EXT1: variants seen among roughly 807,000 people sequenced by gnomAD.
The protein encoded by EXT1 is exostosin glycosyltransferase 1, also known as exostosin-1.
A neutral mutation model predicts 82.5 loss-of-function variants in EXT1; 20 were observed. The ratio of observed to expected loss-of-function variants is 0.24; its 90% CI spans 0.17 to 0.35. EXT1 has a LOEUF of 0.35. Ranked by LOEUF, EXT1 falls within the 10% of genes least tolerant of loss-of-function variation. The pLI is 1.00. For missense variants in EXT1, 757 were observed against 936.5 expected (o/e 0.81, Z 2.50); for synonymous variants, 348 against 350.8 (o/e 0.99, Z 0.09).
At chr8:117,930,103 C>CA (rs576886235) in intron 1 of EXT1, among the ~76,000 whole-genome samples, 3,675 of 137,942 alleles carry the variant, frequency 0.027, 130 homozygotes, top group African/African-American at 0.083. Context: ...GACTCCATCT[C>CA]AAAAAAAAAA....
intron 1 of EXT1, among the ~76,000 whole-genome samples, chr8:118,009,996 G>C (rs957096343): frequency 6.6e-6 from 1 of 152,140 alleles, no homozygotes; most frequent in African/African-American, 2.4e-5. Flanking sequence ...GTAGGCTAAA[G>C]AGCTAATAAA....
intron 1 of EXT1, among the ~76,000 whole-genome samples, chr8:117,956,523 A>AC (rs1814590403): frequency 6.6e-6 from 1 of 151,804 alleles, no homozygotes; most frequent in Non-Finnish European, 1.5e-5. Flanking sequence ...ACTCATTGGA[A>AC]CCTCCACCTC....
intron 7 of EXT1, among the ~76,000 whole-genome samples, chr8:117,814,234 G>GTGTGTGT (rs1811751084): frequency 1.4e-5 from 2 of 146,820 alleles, no homozygotes; most frequent in Non-Finnish European, 1.5e-5. Flanking sequence ...CACACACAGT[G>GTGTGTGT]GTGTGTGTGT....
intron 1 of EXT1, among the ~76,000 whole-genome samples, chr8:117,959,266 G>A (rs1429249434): frequency 2.6e-5 from 4 of 152,054 alleles, no homozygotes; most frequent in South Asian, 2.1e-4. Flanking sequence ...ACCCAAGGCC[G>A]GCCCTGATCA....
chr8:117,854,506 T>C (rs1014198217), intron 1 of EXT1, among the ~76,000 whole-genome samples: 3 of 152,090 alleles, frequency 2.0e-5, no homozygotes, highest in Non-Finnish European at 4.4e-5. Flanking sequence ...ACCAAATACA[T>C]TTTTCATCTT....
chr8:118,073,395 C>A (rs762098498), intron 1 of EXT1, among the ~76,000 whole-genome samples: 15 of 152,142 alleles, frequency 9.9e-5, no homozygotes, highest in African/African-American at 3.4e-4. Flanking sequence ...CCAAGGTGGG[C>A]GGATCACTTG....
At chr8:117,868,227 A>G (rs1019297763) in intron 1 of EXT1, among the ~76,000 whole-genome samples, 1 of 152,184 alleles carries the variant, frequency 6.6e-6, no homozygotes, top group African/African-American at 2.4e-5. Flanking sequence ...TTCCCACCTT[A>G]GATAATTGCT....
chr8:117,859,212 G>A (rs1245869045), intron 1 of EXT1, among the ~76,000 whole-genome samples: 2 of 152,100 alleles, frequency 1.3e-5, no homozygotes, highest in Non-Finnish European at 2.9e-5. Context: ...TTCGTGGTCT[G>A]GAACCAAACA....
At chr8:117,870,924 T>A (rs1037315337) in intron 1 of EXT1, among the ~76,000 whole-genome samples, 1 of 151,900 alleles carries the variant, frequency 6.6e-6, no homozygotes, top group Non-Finnish European at 1.5e-5. Flanking sequence ...TAAACAGCAT[T>A]CAGGGGAATA....
intron 4 of EXT1, among the ~76,000 whole-genome samples, chr8:117,826,846 GA>G (rs1371493113): frequency 1.3e-5 from 2 of 152,070 alleles, no homozygotes; most frequent in Non-Finnish European, 2.9e-5. Flanking sequence ...AATACAAAGG[GA>G]AAAGGCCTTT....
chr8:118,015,524 G>A (rs569094455), intron 1 of EXT1, among the ~76,000 whole-genome samples: 2 of 152,218 alleles, frequency 1.3e-5, no homozygotes, highest in South Asian at 4.2e-4. Flanking sequence ...GTCCGGCAGA[G>A]AAGAAAAACA....
chr8:118,039,185 T>C (rs1014661935), intron 1 of EXT1, among the ~76,000 whole-genome samples: 1 of 152,258 alleles, frequency 6.6e-6, no homozygotes, highest in Non-Finnish European at 1.5e-5. Flanking sequence ...AGTGGAAGTA[T>C]ACTTTTTACA....
chr8:117,922,613 G>A (rs950197575), intron 1 of EXT1, among the ~76,000 whole-genome samples: 15 of 152,120 alleles, frequency 9.9e-5, no homozygotes, highest in Non-Finnish European at 1.8e-4. Context: ...ATTATAGAAG[G>A]AGAACAAGAG....
chr8:118,025,555 T>G (rs1162081617), intron 1 of EXT1, among the ~76,000 whole-genome samples: 1 of 152,072 alleles, frequency 6.6e-6, no homozygotes, highest in Non-Finnish European at 1.5e-5. Context: ...TCATCTGGAC[T>G]AAAAAAGGCC....
At chr8:118,079,769 C>T (rs1817277944) in intron 1 of EXT1, among the ~76,000 whole-genome samples, 1 of 149,820 alleles carries the variant, frequency 6.7e-6, no homozygotes, top group Admixed American at 6.8e-5. Context: ...TCTTGCACTT[C>T]ACACCCCTCC....
Position 118,095,171 on chromosome 8 carries a change from C to A in EXT1, c.962+14914G>T, listed in dbSNP as rs17506301. 6.4e-3 allele frequency among the ~76,000 whole-genome samples: 977 copies of A among 152,258 alleles called. 6 individuals carry two copies. The highest frequency in any genetic ancestry group is 0.022 in the African/African-American group (906 of 41,548). On this transcript the variant is annotated intron_variant, in intron 1 of 10. Coordinates refer to ENST00000378204, the MANE Select transcript of EXT1 (RefSeq NM_000127.3). ...ATTTTTCATCCAAGGGGGCTCATTT[C>A]TTAGCTTATTTTCATAGAAACCTAA...
intron 1 of EXT1, among the ~76,000 whole-genome samples, chr8:117,885,684 G>T (rs1370989113): frequency 6.6e-6 from 1 of 152,094 alleles, no homozygotes. Context: ...GTTCCACCAA[G>T]ACTTTTCTTC....
At chr8:117,922,499 G>T (rs1813874818) in intron 1 of EXT1, among the ~76,000 whole-genome samples, 1 of 152,176 alleles carries the variant, frequency 6.6e-6, no homozygotes, top group Non-Finnish European at 1.5e-5. Context: ...CCGTGAACAT[G>T]AAAGTTATGA....
intron 1 of EXT1, among the ~76,000 whole-genome samples, chr8:117,856,419 TAA>T (rs557300189): frequency 7.5e-6 from 1 of 133,008 alleles, no homozygotes; most frequent in East Asian, 2.2e-4. Flanking sequence ...CACGCCTGGC[TAA>T]ATTTTTTTTT....
Sources: allele counts gnomAD v4.1 joint callset (sites outside exome capture counted in the v4.1 genomes callset), GRCh38; gene constraint gnomAD v4.1.1; transcripts MANE v1.5; gene names NCBI Gene and HGNC (gene_info 2026-07-23, HGNC 2026-07-21).